DAPK2: variants seen among roughly 807,000 people sequenced by gnomAD.
DAPK2 encodes death-associated protein kinase 2.
DAPK2 carries 35 observed loss-of-function variants against 44.1 expected under a neutral mutation model. The observed-to-expected ratio is 0.79, with a 90% CI of 0.61 to 1.05. The LOEUF (loss-of-function observed/expected upper bound fraction) is 1.05. Among genes scored for constraint, DAPK2 ranks in the 50% least tolerant of loss-of-function variants. The probability of loss-of-function intolerance (pLI) is 0.00; values close to 1 mark genes in which losing one functional copy is unlikely to be tolerated. For missense variants in DAPK2, 453 were observed against 483.2 expected, an observed-to-expected ratio of 0.94 and a Z score of 0.59; for synonymous variants, 174 against 182.6, an observed-to-expected ratio of 0.95 and a Z score of 0.38.
At position 63,970,736 on chromosome 15, in the gene DAPK2, T is replaced by C. The variant is rs111729618; in HGVS notation, c.453+687A>G. Among the ~76,000 whole-genome samples, 939 of 152,306 alleles carry C rather than the reference T, an allele frequency of 6.2e-3. 10 individuals are homozygous for C. Among genetic ancestry groups the C allele is most frequent in the African/African-American group, 0.022 (906 of 41,542 alleles). The stretch of plus-strand genomic sequence containing the variant: ...AAGTTAGAGGACTTTACACATTAAG[T>C]ATCTGTATAGGCTCATCAGTCTATG... On this transcript the variant is annotated intron_variant, in intron 3 of 10. Coordinates refer to ENST00000261891, the Ensembl canonical transcript of DAPK2.
At chr15:63,921,010 C>T (rs545154941) in intron 8 of DAPK2, 3 of 152,288 alleles carry the variant, frequency 2.0e-5, no homozygotes, top group Non-Finnish European at 2.9e-5. Flanking sequence ...CAGGCCCCTG[C>T]AGTGCTATGT....
At chr15:64,019,405 T>C (rs2079621044) in intron 1 of DAPK2, among the ~76,000 whole-genome samples, 1 of 152,224 alleles carries the variant, frequency 6.6e-6, no homozygotes, top group South Asian at 2.1e-4. Context: ...CATGGACTTT[T>C]CTCTTTTGAT....
At chr15:63,951,347 G>C (rs888763347) in intron 3 of DAPK2, among the ~76,000 whole-genome samples, 2 of 152,296 alleles carry the variant, frequency 1.3e-5, no homozygotes, top group South Asian at 4.1e-4. Flanking sequence ...ACTGAGCCCT[G>C]TTTCCTGGTG....
rs907386544 is a variant in DAPK2 at position 63,917,899 on chromosome 15, C to T, written c.859-5702G>A. 6.6e-6 allele frequency: 1 copy of T among 152,192 alleles called. No individual in the cohort carries two copies. Among genetic ancestry groups the T allele is most frequent in the African/African-American group, 2.4e-5 (1 of 41,428 alleles). The allele number at this position is 152,192 out of a possible 1,614,324, so 9.4% of individuals were successfully genotyped here. A position where few individuals can be genotyped will look rare whatever the true frequency, so the allele number is the denominator to read the frequency against. On this transcript the variant is annotated intron_variant, in intron 8 of 10. Transcript: ENST00000261891. The surrounding 1 kb of genome is among the most constrained non-coding windows in gnomAD (Gnocchi z 4.4). Reference sequence around the variant, plus strand: ...TGAGGAAGCTCTATTTTATCACTCACCATAGCTTTTCCAATCTAGTTGGCT... The same window carrying T: ...TGAGGAAGCTCTATTTTATCACTCATCATAGCTTTTCCAATCTAGTTGGCT...
chr15:64,023,131 C>G (rs370983333), intron 1 of DAPK2, among the ~76,000 whole-genome samples: 1 of 152,208 alleles, frequency 6.6e-6, no homozygotes, highest in African/African-American at 2.4e-5. Context: ...TGTCAAGGGG[C>G]GATGTGGAGG....
chr15:63,946,065 G>A (rs1327629359), intron 3 of DAPK2, among the ~76,000 whole-genome samples: 1 of 152,234 alleles, frequency 6.6e-6, no homozygotes, highest in Admixed American at 6.5e-5. Context: ...GGAGGGAGGG[G>A]TCACATTCCC....
chr15:63,929,667 C>G (rs2079458825), intron 5 of DAPK2, 90 bp from the exon 7 acceptor site: 1 of 1,491,200 alleles, frequency 6.7e-7, no homozygotes, highest in East Asian at 2.3e-5. Flanking sequence ...GGGAAGAGGT[C>G]ACTTGCCTCC....
At position 63,923,849 on chromosome 15, in the gene DAPK2, T is replaced by G. The variant is rs1026231248; in HGVS notation, c.858+967A>C. Among the ~76,000 whole-genome samples the G allele has an allele frequency of 2.9e-4, 44 of 152,136 alleles. No homozygotes were observed. The highest frequency in any genetic ancestry group is 3.2e-4 in the Non-Finnish European group (22 of 68,024). Reference sequence around the variant, plus strand: ...TCACCTTCTCTTTGTATTGATTGATTGATTATTATTTTTTAGAGAGATGGG... The same window carrying G: ...TCACCTTCTCTTTGTATTGATTGATGGATTATTATTTTTTAGAGAGATGGG... On this transcript the variant is annotated intron_variant, in intron 8 of 10. Coordinates refer to ENST00000261891, the Ensembl canonical transcript of DAPK2. The surrounding 1 kb of genome is among the most constrained non-coding windows in gnomAD (Gnocchi z 4.2).
chr15:63,908,434 TG>T lies in DAPK2; in HGVS notation c.*85del. ...CAAAGTGCTCAGGACGCCCGGGTGC[TG>T]GTGCTGAGCTGGGTCCAAAAGTCTG... On this transcript the variant is annotated 3_prime_UTR_variant, in exon 11 of 11. Coordinates refer to ENST00000261891, the Ensembl canonical transcript of DAPK2. The surrounding 1 kb of genome is among the most constrained non-coding windows in gnomAD (Gnocchi z 5.7). 1.2e-6 allele frequency: 1 copy of T among 815,518 alleles called. No homozygotes were observed. The highest frequency in any genetic ancestry group is 1.8e-6 in the Non-Finnish European group (1 of 544,894). 50.5% of individuals were successfully genotyped at this position (815,518 alleles called of 1,614,324 possible).
intron 3 of DAPK2, among the ~76,000 whole-genome samples, chr15:63,967,551 C>A (rs1394097094): frequency 6.6e-6 from 1 of 152,012 alleles, no homozygotes; most frequent in Non-Finnish European, 1.5e-5. Context: ...ATTAGCTGGG[C>A]GTGGTGGCAG....
chr15:64,044,662 G>A (rs1225526410), upstream of DAPK2, among the ~76,000 whole-genome samples: 2 of 152,130 alleles, frequency 1.3e-5, no homozygotes, highest in Non-Finnish European at 2.9e-5. Context: ...GGCCTCCTGA[G>A]GGACAAGCTA....
chr15:63,967,185 A>T (rs1270606817), intron 3 of DAPK2, among the ~76,000 whole-genome samples: 1 of 151,800 alleles, frequency 6.6e-6, no homozygotes, highest in East Asian at 2.0e-4. Flanking sequence ...GTCTCAAAAA[A>T]ATAAATAAAT....
chr15:63,971,566 A>T lies in DAPK2; in HGVS notation c.315-5T>A. 1 of 1,613,932 alleles carries T rather than the reference A, an allele frequency of 6.2e-7. No individual in the cohort carries two copies. Among genetic ancestry groups the T allele is most frequent in the Non-Finnish European group, 8.5e-7 (1 of 1,179,916 alleles). On this transcript the variant is annotated splice_polypyrimidine_tract_variant and splice_region_variant and intron_variant, in intron 2 of 10. Transcript: ENST00000261891. ...AAGAGCTCTCCTCCAGACACTCTGTAAAACACCAGCGGGGGGAGGGGAGGC... is the reference window on the plus strand; with the variant it reads ...AAGAGCTCTCCTCCAGACACTCTGTTAAACACCAGCGGGGGGAGGGGAGGC...
chr15:64,006,022 G>C (rs1295735124), intron 1 of DAPK2, among the ~76,000 whole-genome samples: 2 of 138,086 alleles, frequency 1.4e-5, no homozygotes, highest in Non-Finnish European at 3.0e-5. Context: ...GGGTGACAGA[G>C]CCAGATCCTG....
Position 64,005,324 on chromosome 15 carries a change from C to G in DAPK2, c.93-21570G>C, listed in dbSNP as rs150598593. 7.7e-3 allele frequency among the ~76,000 whole-genome samples: 1,173 copies of G among 151,512 alleles called. 7 individuals carry two copies. Among genetic ancestry groups the G allele is most frequent in the Admixed American group, 0.011 (172 of 15,162 alleles). ...AAACCCTTTGATTCACTTTCAGGCT[C>G]TGTGTGTGAGGTTGTGTGTTTGATC... On this transcript the variant is annotated intron_variant, in intron 1 of 10. Coordinates refer to ENST00000261891, the Ensembl canonical transcript of DAPK2.
intron 1 of DAPK2, among the ~76,000 whole-genome samples, chr15:63,999,235 C>G (rs2079023355): frequency 6.6e-6 from 1 of 152,178 alleles, no homozygotes; most frequent in South Asian, 2.1e-4. Flanking sequence ...TCCTCTCCAG[C>G]CCAGGAATGA....
At chr15:63,946,840 T>C (rs557176413) in intron 3 of DAPK2, among the ~76,000 whole-genome samples, 2 of 152,216 alleles carry the variant, frequency 1.3e-5, no homozygotes, top group Admixed American at 6.5e-5. Context: ...CTACCAATCT[T>C]CACCAGCCAT....
intron 1 of DAPK2, among the ~76,000 whole-genome samples, chr15:64,016,268 G>C (rs1202348304): frequency 6.6e-6 from 1 of 152,218 alleles, no homozygotes; most frequent in African/African-American, 2.4e-5. Context: ...CCTTATCCAT[G>C]AGTTTCCCAA....
At chr15:64,000,184 A>G (rs1479353523) in intron 1 of DAPK2, among the ~76,000 whole-genome samples, 2 of 107,924 alleles carry the variant, frequency 1.9e-5, no homozygotes, top group Non-Finnish European at 4.0e-5. Context: ...TACTACTACT[A>G]CTACACACAC....
Sources: gnomAD v4.1 joint callset for allele counts (sites outside exome capture counted in the v4.1 genomes callset) on GRCh38, gnomAD v4.1.1 for gene constraint, Gnocchi (gnomAD v3.1) non-coding constraint, MANE v1.5 for transcripts, NCBI Gene and HGNC (gene_info 2026-07-23, HGNC 2026-07-21) for gene names.